Variants in MMADHC observed in about 807,000 individuals in gnomAD.
The protein encoded by MMADHC is cobalamin trafficking protein CblD.
Under a neutral mutation model 36.3 loss-of-function variants are expected in MMADHC, and 23 were observed. That is an observed-to-expected ratio of 0.63 (90% CI 0.46 to 0.90). The LOEUF is 0.90. Among genes scored for constraint, MMADHC ranks in the 40% least tolerant of loss-of-function variants. MMADHC has a pLI of 0.00. For synonymous variants in MMADHC, 97 were observed against 116.1 expected (o/e 0.84, Z 1.06); for missense variants, 330 against 348.0 (o/e 0.95, Z 0.41).
At chr2:149,571,645 T>C (rs1410455594) in intron 6 of MMADHC, among the ~76,000 whole-genome samples, 3 of 151,972 alleles carry the variant, frequency 2.0e-5, no homozygotes, top group African/African-American at 4.8e-5. Context: ...CCGGGTGTGG[T>C]GGCGGGCGCC....
chr2:149,571,369 C>T (rs1558845139), intron 6 of MMADHC, among the ~76,000 whole-genome samples, 198 bp from the exon 7 acceptor site: 1 of 152,146 alleles, frequency 6.6e-6, no homozygotes, highest in Non-Finnish European at 1.5e-5. Context: ...TAACACAACA[C>T]TTTATTTCAA....
At chr2:149,583,853 C>T (rs1411072837) in intron 2 of MMADHC, among the ~76,000 whole-genome samples, 2 of 152,148 alleles carry the variant, frequency 1.3e-5, no homozygotes, top group East Asian at 3.9e-4. Flanking sequence ...AATATCTCCC[C>T]AACATTTCCC....
At chr2:149,578,077 G>A (rs1682742748) in intron 4 of MMADHC, among the ~76,000 whole-genome samples, 1 of 152,070 alleles carries the variant, frequency 6.6e-6, no homozygotes, top group African/African-American at 2.4e-5. Context: ...GAAAGGTTAA[G>A]TAATTTCCTC....
chr2:149,581,003 C>A (rs1294609307), intron 3 of MMADHC, among the ~76,000 whole-genome samples: 1 of 152,172 alleles, frequency 6.6e-6, no homozygotes, highest in Non-Finnish European at 1.5e-5. Flanking sequence ...CAAGTCACTT[C>A]CCAAGAGAAA....
chr2:149,575,754 C>A lies in MMADHC; in HGVS notation c.566G>T (p.Trp189Leu). The A allele has an allele frequency of 6.2e-7, 1 of 1,608,626 alleles. No homozygotes were observed. The highest frequency in any genetic ancestry group is 1.3e-5 in the African/African-American group (1 of 74,888). The change falls in exon 6 of 8, where the codon TGG becomes TTG. Residue 189 changes from tryptophan to leucine, a missense_variant. Trp to Leu is a moderately conservative substitution (Grantham distance 61, BLOSUM62 -2). Transcript: ENST00000303319. ...TCTTTCAATTTCTACTTCTTCACTC[C>A]AAACAGTCATATCATTCTTAGTTTT... is the stretch of plus-strand genomic sequence containing the variant. ...TQKTKNDMTV[W>L]SEEVEIEREV...
intron 6 of MMADHC, among the ~76,000 whole-genome samples, chr2:149,574,391 T>C (rs1682685089): frequency 6.6e-6 from 1 of 152,232 alleles, no homozygotes; most frequent in Non-Finnish European, 1.5e-5. Flanking sequence ...ATGTGACATT[T>C]AAATGTGAAA....
chr2:149,577,827 A>C (rs950427012), intron 4 of MMADHC, among the ~76,000 whole-genome samples: 1 of 152,066 alleles, frequency 6.6e-6, no homozygotes, highest in African/African-American at 2.4e-5. Flanking sequence ...AGACCATCCT[A>C]GCCAACATGG....
chr2:149,582,059 T>C, intron 3 of MMADHC, 68 bp downstream of exon 3: 1 of 1,560,948 alleles, frequency 6.4e-7, no homozygotes, highest in Non-Finnish European at 8.8e-7. Flanking sequence ...AGAAGAAATA[T>C]TAGAGGAAAA....
rs1490865503 is a variant in MMADHC, at chr2:149,569,936, T to C, written c.*38A>G. On this transcript the variant is annotated 3_prime_UTR_variant, in exon 8 of 8. Transcript: ENST00000303319. ...AGTGTTTATAGATCAACCCAAATAT[T>C]ACATACAAATAGTACAGCAAATGAA... 6.3e-7 allele frequency: 1 copy of C among 1,577,810 alleles called. No individual in the cohort carries two copies. The highest frequency in any genetic ancestry group is 8.7e-7 in the Non-Finnish European group (1 of 1,147,934).
intron 3 of MMADHC, among the ~76,000 whole-genome samples, chr2:149,579,945 C>T (rs1573878931): frequency 6.6e-6 from 1 of 152,162 alleles, no homozygotes; most frequent in East Asian, 1.9e-4. Context: ...CATACTGACA[C>T]TGAATGAAAT....
intron 6 of MMADHC, among the ~76,000 whole-genome samples, chr2:149,571,694 GGCGTGAAC>G (rs1263635219): frequency 2.6e-5 from 4 of 151,536 alleles, no homozygotes; most frequent in African/African-American, 9.7e-5. Context: ...GCAGGAGAAT[GGCGTGAAC>G]CCGGGAGGCA....
intron 2 of MMADHC, among the ~76,000 whole-genome samples, chr2:149,585,436 A>G (rs1352949402): frequency 6.6e-6 from 1 of 152,240 alleles, no homozygotes; most frequent in Admixed American, 6.5e-5. Flanking sequence ...TAGTGCATCC[A>G]CATCTATCCA....
chr2:149,570,947 GACTC>G, intron 7 of MMADHC, 134 bp downstream of exon 7: 1 of 657,456 alleles, frequency 1.5e-6, no homozygotes, highest in Non-Finnish European at 2.6e-6. Flanking sequence ...GAATTCAACT[GACTC>G]ACAGTAGTAT....
intron 6 of MMADHC, among the ~76,000 whole-genome samples, chr2:149,573,209 G>A (rs1427982712): frequency 3.3e-5 from 5 of 152,106 alleles, no homozygotes; most frequent in Non-Finnish European, 7.3e-5. Flanking sequence ...GCTAGGTACC[G>A]CCTAATCGAA....
intron 7 of MMADHC, among the ~76,000 whole-genome samples, chr2:149,570,492 A>G (rs983033328): frequency 1.4e-4 from 22 of 152,210 alleles, no homozygotes; most frequent in African/African-American, 5.1e-4. Context: ...AGCCCAAGCA[A>G]AAGTTTTCCA....
chr2:149,580,550 G>C (rs1035140761), intron 3 of MMADHC, among the ~76,000 whole-genome samples: 3 of 152,170 alleles, frequency 2.0e-5, no homozygotes, highest in African/African-American at 7.2e-5. Flanking sequence ...TAATTACTCA[G>C]AGTAGAGATC....
intron 2 of MMADHC, 162 bp downstream of exon 2, chr2:149,586,927 C>A: frequency 1.4e-6 from 1 of 710,142 alleles, no homozygotes; most frequent in South Asian, 1.6e-5. Context: ...CTACCATCTT[C>A]AAAGCATAAC....
rs1257043449 is a variant in MMADHC at position 149,579,600 on chromosome 2, T to G, written c.203A>C (p.Gln68Pro). ...PDETMGPFGP[Q>P]DQRFQLPGNI... ...CCCAGGAAGCTGGAACCTCTGATCT[T>G]GAGGTCCAAAGGGTCCCATAGTTTC... Residue 68 changes from glutamine to proline, a missense_variant, in exon 4 of 8, where the codon CAA (glutamine) becomes CCA (proline). Transcript: ENST00000303319. 6.2e-7 allele frequency: 1 copy of G among 1,614,050 alleles called. No homozygotes were observed. Among genetic ancestry groups the G allele is most frequent in the Admixed American group, 1.7e-5 (1 of 59,992 alleles).
chr2:149,586,777 C>T, intron 2 of MMADHC: 1 of 356,020 alleles, frequency 2.8e-6, no homozygotes, highest in East Asian at 4.9e-5. Flanking sequence ...TTAGCTAACC[C>T]AAAAGCTAAA....
Sources: gnomAD v4.1 joint callset for allele counts (sites outside exome capture counted in the v4.1 genomes callset) on GRCh38, gnomAD v4.1.1 for gene constraint, MANE v1.5 for transcripts, NCBI Gene and HGNC (gene_info 2026-07-23, HGNC 2026-07-21) for gene names.